The following SLC25A30 variants were observed in gnomAD, a reference collection of about 807,000 sequenced individuals.
SLC25A30 encodes solute carrier family 25 member 30, also known as kidney mitochondrial carrier protein 1.
In SLC25A30, 29 loss-of-function variants were observed where a neutral mutation model predicts 42.7. The ratio of observed to expected loss-of-function variants is 0.68; its 90% CI spans 0.51 to 0.93. The LOEUF (loss-of-function observed/expected upper bound fraction) is 0.93. Ranked by LOEUF, SLC25A30 falls within the 40% of genes least tolerant of loss-of-function variation. The pLI is 0.00. For synonymous variants in SLC25A30, 124 were observed against 131.0 expected (o/e 0.95, Z 0.37); for missense variants, 300 against 359.7 (o/e 0.83, Z 1.34).
At chr13:45,405,822 T>C (rs1441383192) in intron 4 of SLC25A30, 61 bp downstream of exon 4, 22 of 1,510,572 alleles carry the variant, frequency 1.5e-5, no homozygotes, top group Non-Finnish European at 2.0e-5. Flanking sequence ...CCAAAACCAC[T>C]TGAATAAAAA....
At chr13:45,405,847 C>T in intron 4 of SLC25A30, 36 bp downstream of exon 4, 1 of 1,597,550 alleles carries the variant, frequency 6.3e-7, no homozygotes, top group East Asian at 2.2e-5. Flanking sequence ...GACAACCAAC[C>T]TCCTGTCCAC....
upstream of SLC25A30, among the ~76,000 whole-genome samples, chr13:45,421,379 CAAAAAAA>C (rs368665089): frequency 7.2e-5 from 6 of 83,354 alleles, no homozygotes; most frequent in South Asian, 4.9e-4. Flanking sequence ...ACTCCATCTC[CAAAAAAA>C]AAAAAAAAAA....
At chr13:45,413,489 T>A (rs976254830) in intron 1 of SLC25A30, among the ~76,000 whole-genome samples, 2 of 151,644 alleles carry the variant, frequency 1.3e-5, no homozygotes, top group Non-Finnish European at 2.9e-5. Context: ...CATCTGTAGT[T>A]CCTGAAAGGA....
At chr13:45,405,184 C>A (rs1882383715) in intron 4 of SLC25A30, among the ~76,000 whole-genome samples, 1 of 152,184 alleles carries the variant, frequency 6.6e-6, no homozygotes, top group Non-Finnish European at 1.5e-5. Context: ...TCAGCCTCCC[C>A]AAAGCACTGG....
chr13:45,427,085 T>A, the SLC25A30 span, among the ~76,000 whole-genome samples: 21 of 152,128 alleles, frequency 1.4e-4, no homozygotes, highest in Non-Finnish European at 2.2e-4. Flanking sequence ...ATTAATGAGA[T>A]CATTTATCTT....
chr13:45,432,433 A>T, the SLC25A30 span, among the ~76,000 whole-genome samples: 2 of 152,140 alleles, frequency 1.3e-5, no homozygotes, highest in Non-Finnish European at 2.9e-5. Context: ...CATAATAAAC[A>T]TTGCTATCAT....
chr13:45,396,480 T>A, intron 9 of SLC25A30: 2 of 446,358 alleles, frequency 4.5e-6, no homozygotes, highest in Non-Finnish European at 6.0e-6. Flanking sequence ...CTTCAGTGTC[T>A]AATTAACTGC....
In SLC25A30 at chr13:45,394,363, C is replaced by T. The variant is rs1005845291; in HGVS notation, c.*1611G>A. On this transcript the variant is annotated 3_prime_UTR_variant, in exon 10 of 10. Transcript: ENST00000519676. ...GCATAAGGAAGGCAAGGGAAAAATG[C>T]CTGCGAGGAAAAATTATCTCATCCT... The T allele has an allele frequency of 1.4e-5, 14 of 982,996 alleles. No individual in the cohort carries two copies. Among genetic ancestry groups the T allele is most frequent in the Middle Eastern group, 5.2e-4 (1 of 1,928 alleles). The allele number at this position is 982,996 out of a possible 1,614,324, so 60.9% of individuals were successfully genotyped here.
the SLC25A30 span, among the ~76,000 whole-genome samples, chr13:45,428,776 C>T: frequency 6.6e-6 from 1 of 151,868 alleles, no homozygotes; most frequent in African/African-American, 2.4e-5. Context: ...CCACCTCAGC[C>T]TCCCAAAGTG....
chr13:45,416,987 C>T (rs1313869167), intron 1 of SLC25A30, among the ~76,000 whole-genome samples: 2 of 152,050 alleles, frequency 1.3e-5, no homozygotes, highest in Non-Finnish European at 2.9e-5. Flanking sequence ...ACTAGCTGTT[C>T]GTACTTTTGA....
the SLC25A30 span, among the ~76,000 whole-genome samples, chr13:45,424,678 T>TATATATAA: frequency 7.6e-5 from 5 of 65,774 alleles, 1 homozygote; most frequent in African/African-American, 2.7e-4. Flanking sequence ...TATATATAGT[T>TATATATAA]ATATATAGAT....
rs1162004465 is a variant in SLC25A30, at chr13:45,404,287, A to C, written c.393+40T>G. 5 of 1,345,494 alleles carry C rather than the reference A, an allele frequency of 3.7e-6. No homozygotes were observed. The African/African-American group carries it at 7.2e-5, about 19-fold the overall frequency. The allele number at this position is 1,345,494 out of a possible 1,614,324, so 83.3% of individuals were successfully genotyped here. A position where few individuals can be genotyped will look rare whatever the true frequency, so the allele number is the denominator to read the frequency against. On this transcript the variant is annotated intron_variant, in intron 5 of 9. Transcript: ENST00000519676. ...CCCGAATGTTGTTCTCAATAAGAAA[A>C]TGTGGAATGTGCCTATAAGATATAG... is the stretch of plus-strand genomic sequence containing the variant.
At chr13:45,425,762 G>A in the SLC25A30 span, among the ~76,000 whole-genome samples, 2 of 144,366 alleles carry the variant, frequency 1.4e-5, no homozygotes, top group Non-Finnish European at 3.0e-5. Context: ...GTGGGAACTC[G>A]GCTCACTGCC....
At position 45,395,734 on chromosome 13, in the gene SLC25A30, T is replaced by C; in HGVS notation, c.*240A>G. ...CATGCATTTCACATATTATCTTTGATGTTGAAGGGCACTTCAGTGGTAAAG... is the reference window on the plus strand; with the variant it reads ...CATGCATTTCACATATTATCTTTGACGTTGAAGGGCACTTCAGTGGTAAAG... On this transcript the variant is annotated 3_prime_UTR_variant, in exon 10 of 10. Coordinates refer to ENST00000519676, the MANE Select transcript of SLC25A30 (RefSeq NM_001010875.4). The C allele has an allele frequency of 7.1e-7, 1 of 1,399,452 alleles. No homozygotes were observed. The allele number at this position is 1,399,452 out of a possible 1,614,324, so 86.7% of individuals were successfully genotyped here.
At chr13:45,429,335 C>G in the SLC25A30 span, among the ~76,000 whole-genome samples, 1 of 151,968 alleles carries the variant, frequency 6.6e-6, no homozygotes, top group Non-Finnish European at 1.5e-5. Context: ...TCCCAAAGTG[C>G]TAGGATTACA....
upstream of SLC25A30, among the ~76,000 whole-genome samples, chr13:45,419,130 TAAA>T (rs374462224): frequency 1.7e-4 from 15 of 90,526 alleles, no homozygotes; most frequent in Admixed American, 1.3e-3. Flanking sequence ...TACTCCCTCT[TAAA>T]AAAAAAAAAA....
At chr13:45,424,926 A>C in the SLC25A30 span, among the ~76,000 whole-genome samples, 2 of 67,718 alleles carry the variant, frequency 3.0e-5, no homozygotes, top group Non-Finnish European at 4.9e-5. Flanking sequence ...ATATATATAA[A>C]TATATAAATA....
At chr13:45,423,948 A>T in the SLC25A30 span, among the ~76,000 whole-genome samples, 11 of 48,668 alleles carry the variant, frequency 2.3e-4, no homozygotes, top group Non-Finnish European at 3.5e-4. Context: ...TATATAAAAA[A>T]ATATATGAAT....
chr13:45,425,072 A>ATATATAAATATATAAATATATAAG, the SLC25A30 span, among the ~76,000 whole-genome samples: 1 of 66,864 alleles, frequency 1.5e-5, no homozygotes, highest in Non-Finnish European at 2.7e-5. Flanking sequence ...GTATATATAC[A>ATATATAAATATATAAATATATAAG]TATATATAAA....
Sources: gnomAD v4.1 joint callset for allele counts (sites outside exome capture counted in the v4.1 genomes callset) on GRCh38, gnomAD v4.1.1 for gene constraint, MANE v1.5 for transcripts, NCBI Gene and HGNC (gene_info 2026-07-23, HGNC 2026-07-21) for gene names.